The following ALDH18A1 variants were observed in gnomAD, a reference collection of about 807,000 sequenced individuals.
The protein encoded by ALDH18A1 is aldehyde dehydrogenase 18 family member A1.
A neutral mutation model predicts 88.8 loss-of-function variants in ALDH18A1; 44 were observed. That is an observed-to-expected ratio of 0.50 (90% confidence interval 0.39 to 0.64). The LOEUF (loss-of-function observed/expected upper bound fraction) is 0.64, where lower values mean the gene tolerates loss of function less well. Ranked by LOEUF, ALDH18A1 falls within the 30% of genes least tolerant of loss-of-function variation. ALDH18A1 has a pLI of 0.00. For missense variants in ALDH18A1, 782 were observed against 1,009.5 expected (o/e 0.77, Z 3.05); for synonymous variants, 331 against 372.1 (o/e 0.89, Z 1.27).
chr10:95,615,062 G>A (rs1481888988), intron 13 of ALDH18A1, among the ~76,000 whole-genome samples: 2 of 152,264 alleles, frequency 1.3e-5, no homozygotes, highest in Non-Finnish European at 2.9e-5. Context: ...AGGGCGTGGT[G>A]GCACATTCCC....
At chr10:95,628,587 T>G in intron 7 of ALDH18A1, 95 bp from the exon 8 acceptor site, 1 of 1,485,300 alleles carries the variant, frequency 6.7e-7, no homozygotes, top group Non-Finnish European at 9.2e-7. Flanking sequence ...TGTACTTTAC[T>G]CATCCAAATG....
chr10:95,610,385 C>A lies in ALDH18A1; in HGVS notation c.2111-93G>T, dbSNP rs113068766. The A allele has an allele frequency of 7.6e-5, 96 of 1,259,280 alleles. No homozygotes were observed. The African/African-American group carries it at 1.0e-3, about 14-fold the overall frequency. The allele number at this position is 1,259,280 out of a possible 1,614,324, so 78.0% of individuals were successfully genotyped here. On this transcript the variant is annotated intron_variant, in intron 16 of 17. Transcript: ENST00000371224. Reference sequence around the variant, plus strand: ...GACTGGTGACAGATCAGGGCAGGGTCTGGGTCCCCACTGGGGCCTCTCCAT... The same window carrying A: ...GACTGGTGACAGATCAGGGCAGGGTATGGGTCCCCACTGGGGCCTCTCCAT...
In ALDH18A1 at chr10:95,613,873, G is replaced by A; in HGVS notation, c.1802-10C>T. The A allele has an allele frequency of 6.2e-7, 1 of 1,614,186 alleles. No homozygotes were observed. Among genetic ancestry groups the A allele is most frequent in the Non-Finnish European group, 8.5e-7 (1 of 1,180,036 alleles). On this transcript the variant is annotated splice_polypyrimidine_tract_variant and intron_variant, in intron 14 of 17. Coordinates refer to ENST00000371224, the MANE Select transcript of ALDH18A1 (RefSeq NM_002860.4). Reference sequence around the variant, plus strand: ...CATTTAGAGTCTCTGACTGAAAGAAGATGAGCAAAGAATTGTTTCCATTGA... The same window carrying A: ...CATTTAGAGTCTCTGACTGAAAGAAAATGAGCAAAGAATTGTTTCCATTGA...
At chr10:95,611,125 G>C (rs955895700) in intron 16 of ALDH18A1, 131 bp downstream of exon 16, 1 of 1,070,002 alleles carries the variant, frequency 9.3e-7, no homozygotes, top group East Asian at 2.4e-5. Flanking sequence ...AGTACCAAAT[G>C]CAACCACTAC....
At chr10:95,609,058 A>G (rs2097828100) in intron 17 of ALDH18A1, among the ~76,000 whole-genome samples, 1 of 152,128 alleles carries the variant, frequency 6.6e-6, no homozygotes, top group African/African-American at 2.4e-5. Context: ...TATTTTTAGT[A>G]GAGATGGGGT....
Position 95,616,397 on chromosome 10 carries a change from T to C in ALDH18A1, c.1605+80A>G, listed in dbSNP as rs533431772. 1.2e-4 allele frequency: 177 copies of C among 1,531,108 alleles called. No individual in the cohort carries two copies. The African/African-American group carries it at 1.9e-3, about 17-fold the overall frequency. The allele number at this position is 1,531,108 out of a possible 1,614,324, so 94.8% of individuals were successfully genotyped here. On this transcript the variant is annotated intron_variant, in intron 13 of 17. Coordinates refer to ENST00000371224, the MANE Select transcript of ALDH18A1 (RefSeq NM_002860.4). ...CTTGTAGTAGTGTCTTGGCTCTGTG[T>C]GGCCTAAGTTTTGCTTTAAATTCCC...
chr10:95,610,494 G>A (rs1432177356), intron 16 of ALDH18A1, among the ~76,000 whole-genome samples: 3 of 152,188 alleles, frequency 2.0e-5, no homozygotes, highest in African/African-American at 7.2e-5. Context: ...ACGGTGTTGT[G>A]GAAAGACTGA....
Position 95,610,362 on chromosome 10 carries a change from C to T in ALDH18A1, c.2111-70G>A, listed in dbSNP as rs531085704. 51 of 1,496,896 alleles carry T rather than the reference C, an allele frequency of 3.4e-5. No individual in the cohort carries two copies. The Middle Eastern group carries it at 5.2e-4, about 15-fold the overall frequency. 92.7% of individuals were successfully genotyped at this position (1,496,896 alleles called of 1,614,324 possible). ...GAACATCCCTGTTTCCAGCCATTGA[C>T]TGGTGACAGATCAGGGCAGGGTCTG... is the stretch of plus-strand genomic sequence containing the variant. On this transcript the variant is annotated intron_variant, in intron 16 of 17. Coordinates refer to ENST00000371224, the MANE Select transcript of ALDH18A1 (RefSeq NM_002860.4).
At chr10:95,622,683 G>A (rs1375458539) in intron 11 of ALDH18A1, among the ~76,000 whole-genome samples, 7 of 152,048 alleles carry the variant, frequency 4.6e-5, no homozygotes, top group East Asian at 3.9e-4. Context: ...GACTACAGGC[G>A]CCCGCCACCA....
intron 3 of ALDH18A1, 93 bp downstream of exon 3, chr10:95,642,899 T>C: frequency 8.5e-6 from 11 of 1,297,266 alleles, no homozygotes; most frequent in East Asian, 2.5e-5. Context: ...ATCACAATTA[T>C]TTTTTTAAGT....
At chr10:95,617,338 G>A (rs955759386) in intron 12 of ALDH18A1, among the ~76,000 whole-genome samples, 1 of 152,266 alleles carries the variant, frequency 6.6e-6, no homozygotes, top group Non-Finnish European at 1.5e-5. Context: ...AGCCACCTCT[G>A]TAAGGAAGCA....
rs1047715712 is a variant in ALDH18A1, at chr10:95,606,822, C to T, written c.2328G>A (p.Glu776=). 8.1e-6 allele frequency: 13 copies of T among 1,614,090 alleles called. No individual in the cohort carries two copies. The highest frequency in any genetic ancestry group is 1.1e-5 in the Non-Finnish European group (13 of 1,180,038). Residue 776 remains glutamate (E), a synonymous_variant, in exon 18 of 18, where the codon GAG becomes GAA. Transcript: ENST00000371224. ...GKDHVVSDFS[E]HGSLKYLHEN... is the part of the protein sequence containing the mutation. ...CATGAAGATATTTTAAACTTCCATGCTCTGAGAAATCTGAGACCACGTGGT... is the reference window on the plus strand; with the variant it reads ...CATGAAGATATTTTAAACTTCCATGTTCTGAGAAATCTGAGACCACGTGGT...
intron 11 of ALDH18A1, among the ~76,000 whole-genome samples, chr10:95,624,969 G>A (rs1049313236): frequency 6.6e-6 from 1 of 152,202 alleles, no homozygotes; most frequent in Admixed American, 6.5e-5. Flanking sequence ...CTATCTCAGA[G>A]GCACTATGTT....
intron 5 of ALDH18A1, among the ~76,000 whole-genome samples, chr10:95,634,881 G>A (rs1173795968): frequency 6.6e-6 from 1 of 152,186 alleles, no homozygotes; most frequent in Non-Finnish European, 1.5e-5. Context: ...CGTTCTTGCT[G>A]TGTAGGGCAG....
intron 3 of ALDH18A1, among the ~76,000 whole-genome samples, chr10:95,642,058 C>T (rs2097892788): frequency 6.6e-6 from 1 of 152,138 alleles, no homozygotes; most frequent in South Asian, 2.1e-4. Context: ...CCAATATTAA[C>T]ACCTCAGGAA....
chr10:95,633,492 T>C lies in ALDH18A1; in HGVS notation c.716A>G (p.Asn239Ser). The part of the protein sequence containing the change: ...AEPNSDLQGV[N>S]VISVKDNDSL... ...AACCCTTAGAAATACTTTACCCACATTTACCCCCTGCAGGTCACTGTTGGG... is the reference window on the plus strand; with the variant it reads ...AACCCTTAGAAATACTTTACCCACACTTACCCCCTGCAGGTCACTGTTGGG... The change falls in exon 6 of 18, where the codon AAT (asparagine) becomes AGT (serine). Residue 239 changes from asparagine (N) to serine (S), a missense_variant and splice_region_variant. Coordinates refer to ENST00000371224, the MANE Select transcript of ALDH18A1 (RefSeq NM_002860.4). The C allele has an allele frequency of 6.2e-7, 1 of 1,614,118 alleles. No individual in the cohort carries two copies. The highest frequency in any genetic ancestry group is 8.5e-7 in the Non-Finnish European group (1 of 1,180,006).
chr10:95,610,050 G>A (rs1312179009), intron 17 of ALDH18A1, 147 bp downstream of exon 17: 20 of 765,840 alleles, frequency 2.6e-5, no homozygotes, highest in Non-Finnish European at 3.9e-5. Context: ...GATTACAGGC[G>A]TGAGCCACGG....
intron 3 of ALDH18A1, among the ~76,000 whole-genome samples, chr10:95,638,538 C>T (rs2097885472): frequency 2.6e-5 from 4 of 152,172 alleles, no homozygotes; most frequent in Admixed American, 2.6e-4. Context: ...GAATAAAAGT[C>T]CGCAGGTAGG....
intron 2 of ALDH18A1, 41 bp from the exon 3 acceptor site, chr10:95,643,247 T>A: frequency 6.3e-7 from 1 of 1,592,662 alleles, no homozygotes; most frequent in Non-Finnish European, 8.6e-7. Context: ...AAAGAAATAC[T>A]CAATATAGTT....
Sources: gnomAD v4.1 joint callset for allele counts (sites outside exome capture counted in the v4.1 genomes callset) on GRCh38, gnomAD v4.1.1 for gene constraint, MANE v1.5 for transcripts, NCBI Gene and HGNC (gene_info 2026-07-23, HGNC 2026-07-21) for gene names.